Variants in FYB1 observed in about 807,000 individuals in gnomAD.
The protein encoded by FYB1 is FYN binding protein 1, also known as FYN-binding protein 1.
A neutral mutation model predicts 94.1 loss-of-function variants in FYB1; 41 were observed. The ratio of observed to expected loss-of-function variants is 0.44; its 90% CI spans 0.34 to 0.57. FYB1 has a LOEUF of 0.57. FYB1 is among the 20% of genes least tolerant of loss of function. The probability of loss-of-function intolerance (pLI) is 0.02; values close to 1 mark genes in which losing one functional copy is unlikely to be tolerated. For missense variants in FYB1, 1,050 were observed against 976.8 expected (o/e 1.07, Z -1.00); for synonymous variants, 367 against 353.2 (o/e 1.04, Z -0.44).
chr5:39,219,518 A>T lies in FYB1; in HGVS notation c.-103T>A. The T allele has an allele frequency of 1.0e-6, 1 of 985,342 alleles. No homozygotes were observed. Among genetic ancestry groups the T allele is most frequent in the Non-Finnish European group, 1.2e-6 (1 of 829,926 alleles). The allele number at this position is 985,342 out of a possible 1,614,324, so 61.0% of individuals were successfully genotyped here. A position where few individuals can be genotyped will look rare whatever the true frequency, so the allele number is the denominator to read the frequency against. ...CTGGGCCAGGGTCTGGGCCCTACTC[A>T]CTTCTAGCTGTCGCATCTGCTCTGC... is the stretch of plus-strand genomic sequence containing the variant. On this transcript the variant is annotated 5_prime_UTR_variant, in exon 1 of 19. Transcript: ENST00000512982.
intron 1 of FYB1, among the ~76,000 whole-genome samples, chr5:39,254,678 G>C (rs1358489168): frequency 1.3e-5 from 2 of 152,052 alleles, no homozygotes; most frequent in African/African-American, 4.8e-5. Flanking sequence ...AAAACATATT[G>C]GCAACTTGAG....
In FYB1 at chr5:39,130,577, G is replaced by T; in HGVS notation, c.1840+13C>A. ...CAATTGTAAAATGTCATTTTAAGAA[G>T]CGTGTGGCTTACCTCCACTTCCACT... On this transcript the variant is annotated intron_variant, in intron 10 of 18. Coordinates refer to ENST00000512982, the MANE Select transcript of FYB1 (RefSeq NM_001465.6). 6.4e-7 allele frequency: 1 copy of T among 1,567,108 alleles called. No individual in the cohort carries two copies. Among genetic ancestry groups the T allele is most frequent in the Non-Finnish European group, 8.7e-7 (1 of 1,152,824 alleles).
At chr5:39,225,358 A>G (rs1750426983) in intron 1 of FYB1, among the ~76,000 whole-genome samples, 1 of 152,234 alleles carries the variant, frequency 6.6e-6, no homozygotes, top group African/African-American at 2.4e-5. Flanking sequence ...AAACAATAAG[A>G]TAAACTTTAC....
chr5:39,211,347 G>A (rs1261161516), intron 1 of FYB1, among the ~76,000 whole-genome samples: 9 of 142,798 alleles, frequency 6.3e-5, no homozygotes, highest in Non-Finnish European at 1.2e-4. Flanking sequence ...TTGAGACGGA[G>A]TCTCGCTCTG....
chr5:39,200,540 C>T (rs1353958570), intron 2 of FYB1, among the ~76,000 whole-genome samples: 1 of 152,130 alleles, frequency 6.6e-6, no homozygotes, highest in Non-Finnish European at 1.5e-5. Context: ...AATAATAGTT[C>T]TGAATTATGA....
At chr5:39,244,761 G>T (rs191558207) in intron 1 of FYB1, among the ~76,000 whole-genome samples, 2 of 151,986 alleles carry the variant, frequency 1.3e-5, no homozygotes, top group African/African-American at 4.8e-5. Flanking sequence ...CTGTGAATCC[G>T]TCTGGTCCTG....
intron 8 of FYB1, 84 bp from the exon 9 acceptor site, chr5:39,134,433 G>A (rs774967942): frequency 5.2e-5 from 62 of 1,189,332 alleles, no homozygotes; most frequent in Non-Finnish European, 6.5e-5. Context: ...TTGCACATTT[G>A]CTCTTTAAAC....
intron 1 of FYB1, among the ~76,000 whole-genome samples, chr5:39,245,600 G>A (rs1751438911): frequency 7.1e-6 from 1 of 140,232 alleles, no homozygotes; most frequent in African/African-American, 3.1e-5. Context: ...AAGAGGAAGA[G>A]GCTTTTTTTT....
chr5:39,127,059 CAAAAA>C lies in FYB1; in HGVS notation c.1907+677_1907+681del, dbSNP rs200980181. Among the ~76,000 whole-genome samples, 370 of 77,450 alleles carry C rather than the reference CAAAAA, an allele frequency of 4.8e-3. 1 individual carries two copies. Among genetic ancestry groups the C allele is most frequent in the African/African-American group, 0.015 (317 of 21,376 alleles). 50.8% of individuals were successfully genotyped at this position (77,450 alleles called of 152,430 possible). Reference sequence around the variant, plus strand: ...GGCAACAAGAGCAAAACTCAGGTCTCAAAAAAAAAAAAAAAAAAAAAAAAGAAATC... The same window carrying C: ...GGCAACAAGAGCAAAACTCAGGTCTCAAAAAAAAAAAAAAAAAAAGAAATC... On this transcript the variant is annotated intron_variant, in intron 11 of 18. Coordinates refer to ENST00000512982, the MANE Select transcript of FYB1 (RefSeq NM_001465.6).
chr5:39,200,393 C>T (rs1258075319), intron 2 of FYB1, among the ~76,000 whole-genome samples: 1 of 152,174 alleles, frequency 6.6e-6, no homozygotes. Context: ...AAGAAAGTTC[C>T]CAGGGATTTC....
intron 1 of FYB1, among the ~76,000 whole-genome samples, chr5:39,229,687 T>C (rs915807267): frequency 2.0e-5 from 3 of 152,152 alleles, no homozygotes; most frequent in African/African-American, 7.2e-5. Flanking sequence ...TTAATCCTCA[T>C]AATATTGCTA....
chr5:39,217,816 C>T (rs1390737889), intron 1 of FYB1, among the ~76,000 whole-genome samples: 1 of 152,202 alleles, frequency 6.6e-6, no homozygotes. Context: ...CTAGTAACAC[C>T]TCAGACAAAT....
At chr5:39,139,020 G>A (rs1741910593) in intron 5 of FYB1, 1 of 582,064 alleles carries the variant, frequency 1.7e-6, no homozygotes, top group Non-Finnish European at 2.9e-6. Context: ...TCAGACTTAA[G>A]TTTGTTCAGC....
At chr5:39,227,898 A>G (rs1207051199) in intron 1 of FYB1, among the ~76,000 whole-genome samples, 1 of 152,188 alleles carries the variant, frequency 6.6e-6, no homozygotes, top group African/African-American at 2.4e-5. Context: ...CTTGAATCCC[A>G]TAAGATTGAC....
At chr5:39,138,940 CTTAGAAATAGA>C (rs2150326676) in intron 5 of FYB1, 1 of 553,428 alleles carries the variant, frequency 1.8e-6, no homozygotes, top group East Asian at 3.2e-5. Context: ...TTTTTTTCTC[CTTAGAAATAGA>C]CTGGGAAAGC....
chr5:39,182,286 CATGTGTGTGTGTGT>C (rs1435513903), intron 2 of FYB1, among the ~76,000 whole-genome samples: 1 of 99,146 alleles, frequency 1.0e-5, no homozygotes, highest in East Asian at 3.4e-4. Context: ...TGTGTGCATG[CATGTGTGTGTGTGT>C]GTGTGTGTGT....
intron 1 of FYB1, chr5:39,250,616 T>C (rs537666787): frequency 6.6e-6 from 1 of 152,292 alleles, no homozygotes; most frequent in East Asian, 1.9e-4. Flanking sequence ...CTTTTGGTGT[T>C]AAATGGCAGG....
Position 39,202,883 on chromosome 5 carries a change from T to G in FYB1, c.78A>C (p.Pro26=), listed in dbSNP as rs1307207446. 6 of 1,613,888 alleles carry G rather than the reference T, an allele frequency of 3.7e-6. No individual in the cohort carries two copies. The highest frequency in any genetic ancestry group is 4.2e-6 in the Non-Finnish European group (5 of 1,179,898). ...VNSRPFRVTG[P]NSSSGIQARK... ...TTGCTTGTATTCCTGAAGATGAGTT[T>G]GGCCCTGTGACTCTGAAGGGTCGGC... is the stretch of plus-strand genomic sequence containing the variant. Residue 26 remains proline (P), a synonymous_variant, in exon 2 of 19, where the codon CCA becomes CCC. Coordinates refer to ENST00000512982, the MANE Select transcript of FYB1 (RefSeq NM_001465.6).
intron 10 of FYB1, 49 bp from the exon 11 acceptor site, chr5:39,127,856 A>G (rs1740838774): frequency 6.5e-7 from 1 of 1,536,950 alleles, no homozygotes; most frequent in Non-Finnish European, 8.8e-7. Flanking sequence ...TAATTTGGCC[A>G]TGTAATGCTC....
Sources: allele counts gnomAD v4.1 joint callset (sites outside exome capture counted in the v4.1 genomes callset), GRCh38; gene constraint gnomAD v4.1.1; transcripts MANE v1.5; gene names NCBI Gene and HGNC (gene_info 2026-07-23, HGNC 2026-07-21).